Variants in CRLF3 observed in about 807,000 individuals in gnomAD.
CRLF3 encodes cytokine receptor-like factor 3.
Under a neutral mutation model 55.0 loss-of-function variants are expected in CRLF3, and 33 were observed. The observed-to-expected ratio is 0.60, with a 90% CI of 0.46 to 0.80. CRLF3 has a LOEUF of 0.80. CRLF3 is among the 30% of genes least tolerant of loss of function. CRLF3 has a pLI of 0.00. For synonymous variants in CRLF3, 238 were observed against 196.8 expected (o/e 1.21, Z -1.75); for missense variants, 494 against 538.4 (o/e 0.92, Z 0.82).
At chr17:30,798,494 T>G (rs374481426) in intron 2 of CRLF3, among the ~76,000 whole-genome samples, 2 of 152,174 alleles carry the variant, frequency 1.3e-5, no homozygotes, top group East Asian at 3.8e-4. Context: ...ATGTGCCCTG[T>G]AGTTACTCAA....
intron 1 of CRLF3, among the ~76,000 whole-genome samples, chr17:30,823,449 C>A (rs962512446): frequency 6.6e-5 from 10 of 151,196 alleles, no homozygotes; most frequent in Non-Finnish European, 1.5e-4. Flanking sequence ...CATGTTGAGT[C>A]GTTAATGATG....
At chr17:30,790,411 G>GA in intron 6 of CRLF3, among the ~76,000 whole-genome samples, 1 of 151,918 alleles carries the variant, frequency 6.6e-6, no homozygotes, top group East Asian at 1.9e-4. Context: ...ATGAAAACAA[G>GA]AAAAAAGAAA....
At chr17:30,794,376 C>A (rs896383471) in intron 4 of CRLF3, among the ~76,000 whole-genome samples, 7 of 151,932 alleles carry the variant, frequency 4.6e-5, no homozygotes, top group African/African-American at 1.7e-4. Flanking sequence ...ATTAGCCACC[C>A]AATAGAAAAA....
rs1391266475 is a variant in CRLF3, at chr17:30,793,362, G to A, written c.826+88C>T. 9.7e-6 allele frequency: 9 copies of A among 925,558 alleles called. No individual in the cohort carries two copies. In the Admixed American group the frequency reaches 1.3e-4, roughly 13 times the overall value. The allele number at this position is 925,558 out of a possible 1,614,324, so 57.3% of individuals were successfully genotyped here. The stretch of plus-strand genomic sequence containing the variant: ...CAATTCAGGATCTATGCTTAGAATA[G>A]CTGGTTGTCAGTGTGCTGCCCTTAG... On this transcript the variant is annotated intron_variant, in intron 5 of 7. Transcript: ENST00000324238.
At chr17:30,789,737 G>C (rs570647648) in intron 6 of CRLF3, among the ~76,000 whole-genome samples, 2 of 152,094 alleles carry the variant, frequency 1.3e-5, no homozygotes, top group Non-Finnish European at 2.9e-5. Flanking sequence ...ACTTAAGACA[G>C]TACATGGCAC....
intron 2 of CRLF3, among the ~76,000 whole-genome samples, chr17:30,802,937 A>G (rs11650982): frequency 0.14 from 20,605 of 151,760 alleles, 1,497 homozygotes; most frequent in South Asian, 0.25. Context: ...GGCCAAGATG[A>G]GAAGATTGCT....
chr17:30,824,312 ACCCT>A (rs1905076534), intron 1 of CRLF3, among the ~76,000 whole-genome samples: 1 of 147,128 alleles, frequency 6.8e-6, no homozygotes, highest in African/African-American at 2.5e-5. Flanking sequence ...CGCTCCTCAC[ACCCT>A]CCCTCCACCC....
chr17:30,821,797 G>T (rs1189970691), intron 1 of CRLF3, among the ~76,000 whole-genome samples: 1 of 152,068 alleles, frequency 6.6e-6, no homozygotes, highest in Non-Finnish European at 1.5e-5. Context: ...GAGTTCTTTT[G>T]GGGGTGATGA....
chr17:30,789,798 T>C (rs1971747349), intron 6 of CRLF3, among the ~76,000 whole-genome samples: 1 of 152,168 alleles, frequency 6.6e-6, no homozygotes, highest in African/African-American at 2.4e-5. Flanking sequence ...TTATCATCAT[T>C]ATTGCAGTCT....
At chr17:30,797,689 T>C (rs758987452) in intron 2 of CRLF3, among the ~76,000 whole-genome samples, 8 of 152,124 alleles carry the variant, frequency 5.3e-5, no homozygotes, top group Non-Finnish European at 1.0e-4. Flanking sequence ...CAGGGACTTC[T>C]TTCCATCTCT....
At chr17:30,801,980 TCTTC>T (rs1972012693) in intron 2 of CRLF3, among the ~76,000 whole-genome samples, 1 of 151,972 alleles carries the variant, frequency 6.6e-6, no homozygotes, top group African/African-American at 2.4e-5. Context: ...TCTGTGGAAC[TCTTC>T]CTACAGAAAG....
intron 6 of CRLF3, among the ~76,000 whole-genome samples, chr17:30,789,005 C>G (rs1971720099): frequency 6.6e-6 from 1 of 152,172 alleles, no homozygotes; most frequent in South Asian, 2.1e-4. Context: ...AGTAGGCGCA[C>G]TTGCTCCTCC....
chr17:30,818,456 CT>C (rs1370656622), intron 1 of CRLF3, among the ~76,000 whole-genome samples: 1,555 of 133,210 alleles, frequency 0.012, 20 homozygotes, highest in African/African-American at 0.033. Context: ...TTTTCTTTTC[CT>C]TTTTTTTTTT....
At chr17:30,822,353 A>AC (rs2142278646) in intron 1 of CRLF3, among the ~76,000 whole-genome samples, 1 of 152,286 alleles carries the variant, frequency 6.6e-6, no homozygotes, top group South Asian at 2.1e-4. Context: ...ACAAACCCAA[A>AC]CATGCACAAT....
In CRLF3 at chr17:30,824,616, C is replaced by T; in HGVS notation, c.36G>A (p.Leu12=). 6.2e-7 allele frequency: 1 copy of T among 1,605,554 alleles called. No individual in the cohort carries two copies. Among genetic ancestry groups the T allele is most frequent in the South Asian group, 1.1e-5 (1 of 90,952 alleles). The change falls in exon 1 of 8, where the codon CTG becomes CTA. Residue 12 remains leucine, a synonymous_variant. Transcript: ENST00000324238. ...CCACGTTCTCGCGGGCCTCCTGCAA[C>T]AGCAGCTCAGGCTCCAGCTCCATCG... ...RGAMELEPEL[L]LQEARENVEA... is the part of the protein sequence containing the mutation.
At chr17:30,785,784 A>T (rs990615468) in intron 7 of CRLF3, 135 bp downstream of exon 7, 83 of 492,240 alleles carry the variant, frequency 1.7e-4, no homozygotes, top group Non-Finnish European at 1.9e-4. Context: ...TTCATAATAA[A>T]AAAAAAAAAA....
chr17:30,807,759 G>A (rs1160244103), intron 1 of CRLF3, among the ~76,000 whole-genome samples: 6 of 151,836 alleles, frequency 4.0e-5, no homozygotes, highest in African/African-American at 7.3e-5. Context: ...CCTGATCTCC[G>A]GTGATCCACC....
intron 1 of CRLF3, 29 bp downstream of exon 1, chr17:30,824,494 C>G: frequency 6.4e-7 from 1 of 1,567,896 alleles, no homozygotes; most frequent in Middle Eastern, 1.7e-4. Context: ...CCCGGGCCCA[C>G]AGCGCCCCTG....
Position 30,824,683 on chromosome 17 carries a change from G to GCGCC in CRLF3, c.-33_-32insGGCG. ...GCGCGGCCGGCGAAACCTAGCGCGGGTTCCCGACTGCACCGGGCGCCTCCA... is the reference window on the plus strand; with the variant it reads ...GCGCGGCCGGCGAAACCTAGCGCGGGCGCCTTCCCGACTGCACCGGGCGCCTCCA... On this transcript the variant is annotated 5_prime_UTR_variant, in exon 1 of 8. Transcript: ENST00000324238. 6.3e-7 allele frequency: 1 copy of GCGCC among 1,576,730 alleles called. No individual in the cohort carries two copies. Among genetic ancestry groups the GCGCC allele is most frequent in the Non-Finnish European group, 8.6e-7 (1 of 1,168,344 alleles).
Sources: gnomAD v4.1 joint callset for allele counts (sites outside exome capture counted in the v4.1 genomes callset) on GRCh38, gnomAD v4.1.1 for gene constraint, MANE v1.5 for transcripts, NCBI Gene and HGNC (gene_info 2026-07-23, HGNC 2026-07-21) for gene names.